Variants in HS6ST3 observed in about 807,000 individuals in gnomAD.
HS6ST3 encodes heparan-sulfate 6-O-sulfotransferase 3.
In HS6ST3, 12 loss-of-function variants were observed where a neutral mutation model predicts 36.7. The observed-to-expected ratio is 0.33, with a 90% CI of 0.21 to 0.53. The LOEUF (loss-of-function observed/expected upper bound fraction) is 0.53. Ranked by LOEUF, HS6ST3 falls within the 20% of genes least tolerant of loss-of-function variation. The pLI is 0.95. For synonymous variants in HS6ST3, 240 were observed against 257.5 expected (o/e 0.93, Z 0.65); for missense variants, 584 against 640.9 (o/e 0.91, Z 0.96).
intron 1 of HS6ST3, among the ~76,000 whole-genome samples, chr13:96,504,315 T>C (rs1018287376): frequency 6.6e-6 from 1 of 152,156 alleles, no homozygotes; most frequent in African/African-American, 2.4e-5. Flanking sequence ...ATGACTGCTA[T>C]GCTATTTTGC....
At chr13:96,331,226 A>G (rs999294771) in intron 1 of HS6ST3, among the ~76,000 whole-genome samples, 39 of 152,232 alleles carry the variant, frequency 2.6e-4, no homozygotes, top group African/African-American at 9.2e-4. Context: ...CTGGTGAGGA[A>G]CTGCGTTCCT....
At chr13:96,317,350 A>AT (rs2054977398) in intron 1 of HS6ST3, among the ~76,000 whole-genome samples, 7 of 83,598 alleles carry the variant, frequency 8.4e-5, no homozygotes, top group Admixed American at 4.4e-4. Flanking sequence ...ATATATATAT[A>AT]TATATATATA....
At chr13:96,674,484 C>CG (rs2056692543) in intron 1 of HS6ST3, among the ~76,000 whole-genome samples, 1 of 151,974 alleles carries the variant, frequency 6.6e-6, no homozygotes, top group Admixed American at 6.6e-5. Context: ...TTTAATCCCC[C>CG]GGGCTTCTCC....
chr13:96,255,873 A>G (rs904157197), intron 1 of HS6ST3, among the ~76,000 whole-genome samples: 4 of 152,142 alleles, frequency 2.6e-5, no homozygotes, highest in Non-Finnish European at 5.9e-5. Flanking sequence ...CTGCACCTCA[A>G]ATTGAAGGCA....
intron 1 of HS6ST3, among the ~76,000 whole-genome samples, chr13:96,556,324 C>T (rs527790392): frequency 1.3e-5 from 2 of 152,274 alleles, no homozygotes; most frequent in Admixed American, 6.5e-5. Context: ...GAAGAAACCC[C>T]GCTGGACTTG....
At chr13:96,711,291 C>A (rs1875555918) in intron 1 of HS6ST3, among the ~76,000 whole-genome samples, 1 of 152,142 alleles carries the variant, frequency 6.6e-6, no homozygotes, top group South Asian at 2.1e-4. Context: ...GCCAGAACAC[C>A]CAGCAGTCAT....
intron 1 of HS6ST3, among the ~76,000 whole-genome samples, chr13:96,612,217 T>A (rs557580321): frequency 3.0e-4 from 45 of 152,150 alleles, no homozygotes; most frequent in African/African-American, 1.1e-3. Flanking sequence ...CAGGGTGAGG[T>A]TCCTGCTTAG....
chr13:96,602,166 G>A (rs1271386530), intron 1 of HS6ST3, among the ~76,000 whole-genome samples: 41 of 152,148 alleles, frequency 2.7e-4, no homozygotes. Flanking sequence ...CAGAAGTCCT[G>A]TTTCCCTCAT....
At chr13:96,101,743 G>C (rs573154961) in intron 1 of HS6ST3, among the ~76,000 whole-genome samples, 6 of 152,226 alleles carry the variant, frequency 3.9e-5, no homozygotes, top group Non-Finnish European at 8.8e-5. Flanking sequence ...CCCATCCAGA[G>C]GAGGGGATTT....
intron 1 of HS6ST3, among the ~76,000 whole-genome samples, chr13:96,769,734 CTGTGTGTGTGTGTG>C (rs66777701): frequency 1.4e-5 from 2 of 140,216 alleles, no homozygotes; most frequent in East Asian, 2.1e-4. Context: ...ATTCCTAGCT[CTGTGTGTGTGTGTG>C]TGTGTGTGTG....
intron 1 of HS6ST3, among the ~76,000 whole-genome samples, chr13:96,165,215 A>C (rs1311222880): frequency 6.6e-6 from 1 of 152,192 alleles, no homozygotes; most frequent in African/African-American, 2.4e-5. Context: ...ACACCAAAAC[A>C]AGTCTTTGAA....
chr13:96,738,207 T>G (rs1340974371), intron 1 of HS6ST3, among the ~76,000 whole-genome samples: 1 of 152,230 alleles, frequency 6.6e-6, no homozygotes, highest in African/African-American at 2.4e-5. Context: ...CAATAGGCAT[T>G]CTCAGACGTT....
At chr13:96,220,525 A>T (rs2054450118) in intron 1 of HS6ST3, among the ~76,000 whole-genome samples, 1 of 152,074 alleles carries the variant, frequency 6.6e-6, no homozygotes, top group Non-Finnish European at 1.5e-5. Flanking sequence ...TTTTTCTCTA[A>T]ACTATTTGAG....
intron 1 of HS6ST3, among the ~76,000 whole-genome samples, chr13:96,426,472 A>G (rs1415365416): frequency 2.0e-5 from 3 of 152,176 alleles, no homozygotes; most frequent in African/African-American, 7.2e-5. Flanking sequence ...CTCACCTTGA[A>G]GCAATTCAGT....
chr13:96,674,795 T>C (rs539995902), intron 1 of HS6ST3, among the ~76,000 whole-genome samples: 5 of 152,306 alleles, frequency 3.3e-5, no homozygotes, highest in African/African-American at 9.6e-5. Context: ...CCTCCTCCTA[T>C]GCGTCATACA....
At chr13:96,709,042 T>C (rs1001838112) in intron 1 of HS6ST3, among the ~76,000 whole-genome samples, 2 of 152,152 alleles carry the variant, frequency 1.3e-5, no homozygotes, top group African/African-American at 4.8e-5. Context: ...CCCCATGTGT[T>C]GAGGGAGAAA....
At chr13:96,340,438 T>C (rs1368509152) in intron 1 of HS6ST3, among the ~76,000 whole-genome samples, 1 of 152,204 alleles carries the variant, frequency 6.6e-6, no homozygotes, top group Non-Finnish European at 1.5e-5. Flanking sequence ...ATAATCCCTG[T>C]GACATAGGGT....
At chr13:96,735,494 T>G (rs1332229132) in intron 1 of HS6ST3, among the ~76,000 whole-genome samples, 1 of 152,118 alleles carries the variant, frequency 6.6e-6, no homozygotes, top group Non-Finnish European at 1.5e-5. Context: ...TATTAAGCAT[T>G]AAAACTTGTT....
intron 1 of HS6ST3, among the ~76,000 whole-genome samples, chr13:96,562,845 C>A (rs553345681): frequency 6.6e-6 from 1 of 152,076 alleles, no homozygotes; most frequent in African/African-American, 2.4e-5. Flanking sequence ...GATGTTAGAG[C>A]TCTGAAAGCA....
Sources: allele counts gnomAD v4.1 joint callset (sites outside exome capture counted in the v4.1 genomes callset), GRCh38; gene constraint gnomAD v4.1.1; transcripts MANE v1.5; gene names NCBI Gene and HGNC (gene_info 2026-07-23, HGNC 2026-07-21).